The following CNTLN variants were observed in gnomAD, a reference collection of about 807,000 sequenced individuals.
The protein encoded by CNTLN is centlein.
CNTLN carries 212 observed loss-of-function variants against 180.0 expected under a neutral mutation model. The observed-to-expected ratio is 1.18, with a 90% CI of 1.05 to 1.32. The LOEUF (loss-of-function observed/expected upper bound fraction) is 1.32. Ranked by LOEUF, CNTLN falls within the 40% of genes most tolerant of loss-of-function variation. CNTLN has a pLI of 0.00. For synonymous variants in CNTLN, 722 were observed against 563.1 expected, an observed-to-expected ratio of 1.28 and a Z score of -3.99; for missense variants, 2,095 against 1,610.9, an observed-to-expected ratio of 1.30 and a Z score of -5.14.
intron 7 of CNTLN, among the ~76,000 whole-genome samples, chr9:17,302,807 A>G (rs1274874541): frequency 6.6e-6 from 1 of 152,224 alleles, no homozygotes; most frequent in Non-Finnish European, 1.5e-5. Context: ...GAGAAACAAA[A>G]TACAAGTGAG....
At position 17,258,583 on chromosome 9, in the gene CNTLN, C is replaced by T. The variant is rs552553740; in HGVS notation, c.850-15150C>T. On this transcript the variant is annotated intron_variant, in intron 5 of 25. Coordinates refer to ENST00000380647, the MANE Select transcript of CNTLN (RefSeq NM_017738.4). ...TTACCTTGGGCAGTATGGCCATTTT[C>T]ACGATATTGATTCTTCCTACCCATG... is the stretch of plus-strand genomic sequence containing the variant. Among the ~76,000 whole-genome samples, 727 of 150,746 alleles carry T rather than the reference C, an allele frequency of 4.8e-3. 5 individuals carry two copies. Among genetic ancestry groups the T allele is most frequent in the Admixed American group, 7.0e-3 (107 of 15,198 alleles).
At chr9:17,189,084 T>TC (rs1281360827) in intron 2 of CNTLN, among the ~76,000 whole-genome samples, 3 of 132,622 alleles carry the variant, frequency 2.3e-5, no homozygotes, top group Non-Finnish European at 4.8e-5. Flanking sequence ...TTTTTTTTTT[T>TC]TTTTTTTTTT....
intron 5 of CNTLN, among the ~76,000 whole-genome samples, chr9:17,248,868 C>A (rs1022309307): frequency 6.6e-5 from 10 of 151,678 alleles, no homozygotes; most frequent in African/African-American, 2.4e-4. Flanking sequence ...TCTAATAATT[C>A]TTTTTATTAT....
At chr9:17,470,059 T>C (rs967805469) in intron 23 of CNTLN, among the ~76,000 whole-genome samples, 2 of 151,910 alleles carry the variant, frequency 1.3e-5, no homozygotes, top group African/African-American at 4.8e-5. Context: ...CTCCTGAACA[T>C]TTATTATATG....
At chr9:17,401,464 C>G (rs1826966789) in intron 15 of CNTLN, among the ~76,000 whole-genome samples, 1 of 151,710 alleles carries the variant, frequency 6.6e-6, no homozygotes, top group Non-Finnish European at 1.5e-5. Flanking sequence ...TCCTCGACTT[C>G]CTGAGCTCGA....
chr9:17,513,278 C>CT, the CNTLN span, among the ~76,000 whole-genome samples: 647 of 147,324 alleles, frequency 4.4e-3, 4 homozygotes, highest in East Asian at 0.016. Flanking sequence ...AATGAGAATA[C>CT]TTTTTTTTTT....
At chr9:17,313,642 C>G (rs192404142) in intron 8 of CNTLN, among the ~76,000 whole-genome samples, 1 of 151,990 alleles carries the variant, frequency 6.6e-6, no homozygotes, top group African/African-American at 2.4e-5. Context: ...TGCTGAGCTT[C>G]TTGATTTTCA....
At chr9:17,395,541 CCA>C (rs1396815428) in intron 15 of CNTLN, among the ~76,000 whole-genome samples, 1 of 152,172 alleles carries the variant, frequency 6.6e-6, no homozygotes, top group Non-Finnish European at 1.5e-5. Context: ...CAGCTTGTTA[CCA>C]GATGTCTACA....
chr9:17,330,032 C>G (rs1820541549), intron 8 of CNTLN, among the ~76,000 whole-genome samples: 2 of 151,938 alleles, frequency 1.3e-5, no homozygotes, highest in South Asian at 4.1e-4. Flanking sequence ...AGGTTTCCTA[C>G]AAGATTAGTT....
At chr9:17,199,434 A>G (rs1224395680) in intron 2 of CNTLN, among the ~76,000 whole-genome samples, 1 of 151,742 alleles carries the variant, frequency 6.6e-6, no homozygotes, top group Non-Finnish European at 1.5e-5. Context: ...GATGGTCTCA[A>G]TCTCCTGACC....
the CNTLN span, among the ~76,000 whole-genome samples, chr9:17,518,477 C>A: frequency 2.6e-5 from 4 of 152,134 alleles, no homozygotes; most frequent in East Asian, 5.8e-4. Context: ...CAAATTTTTA[C>A]CTCCTGGCAG....
chr9:17,266,424 C>A (rs563774059), intron 5 of CNTLN, among the ~76,000 whole-genome samples: 2 of 152,034 alleles, frequency 1.3e-5, no homozygotes, highest in Non-Finnish European at 2.9e-5. Flanking sequence ...AATTTCTGTT[C>A]TTTTACATTT....
chr9:17,220,574 T>G (rs1208509130), intron 2 of CNTLN, among the ~76,000 whole-genome samples: 1 of 152,114 alleles, frequency 6.6e-6, no homozygotes, highest in South Asian at 2.1e-4. Flanking sequence ...TTTCCTGATC[T>G]TCTACCTCCT....
At chr9:17,471,189 G>A (rs1416249188) in intron 23 of CNTLN, among the ~76,000 whole-genome samples, 1 of 151,970 alleles carries the variant, frequency 6.6e-6, no homozygotes, top group Non-Finnish European at 1.5e-5. Flanking sequence ...CAAAAACCAT[G>A]ATGGGAAGAG....
chr9:17,364,279 C>G (rs1250555760), intron 12 of CNTLN, among the ~76,000 whole-genome samples: 1 of 152,202 alleles, frequency 6.6e-6, no homozygotes, highest in South Asian at 2.1e-4. Flanking sequence ...CTTCTTATTG[C>G]AACATGTTTT....
chr9:17,428,944 A>C (rs964479871), intron 18 of CNTLN, among the ~76,000 whole-genome samples: 12 of 151,968 alleles, frequency 7.9e-5, no homozygotes, highest in African/African-American at 2.9e-4. Context: ...TTATTAATTT[A>C]TTCCAGCTCA....
intron 6 of CNTLN, among the ~76,000 whole-genome samples, chr9:17,276,211 T>C (rs1348504561): frequency 1.3e-5 from 2 of 152,082 alleles, no homozygotes; most frequent in Non-Finnish European, 2.9e-5. Context: ...AGCAGTGGAC[T>C]TTCTCTTGAA....
chr9:17,289,637 C>G (rs1829228258), intron 6 of CNTLN, among the ~76,000 whole-genome samples: 1 of 128,212 alleles, frequency 7.8e-6, no homozygotes, highest in Non-Finnish European at 1.6e-5. Flanking sequence ...CCATCACTTT[C>G]AGGTACACCA....
At chr9:17,456,552 A>G (rs953441636) in intron 18 of CNTLN, among the ~76,000 whole-genome samples, 4 of 152,124 alleles carry the variant, frequency 2.6e-5, no homozygotes, top group Non-Finnish European at 5.9e-5. Flanking sequence ...TATAGTGTTA[A>G]TACTTAAGTA....
Sources: gnomAD v4.1 joint callset for allele counts (sites outside exome capture counted in the v4.1 genomes callset) on GRCh38, gnomAD v4.1.1 for gene constraint, MANE v1.5 for transcripts, NCBI Gene and HGNC (gene_info 2026-07-23, HGNC 2026-07-21) for gene names.